The following TENM2 variants were observed in gnomAD, a reference collection of about 807,000 sequenced individuals.
TENM2 encodes the protein teneurin transmembrane protein 2, also known as teneurin-2.
A neutral mutation model predicts 245.2 loss-of-function variants in TENM2; 52 were observed. The ratio of observed to expected loss-of-function variants is 0.21; its 90% CI spans 0.17 to 0.27. The LOEUF (loss-of-function observed/expected upper bound fraction) is 0.27. TENM2 is among the 10% of genes least tolerant of loss of function. The probability of loss-of-function intolerance (pLI) is 1.00; values close to 1 mark genes in which losing one functional copy is unlikely to be tolerated. For missense variants in TENM2, 3,046 were observed against 3,666.8 expected, an observed-to-expected ratio of 0.83 and a Z score of 4.37; for synonymous variants, 1,363 against 1,438.9, an observed-to-expected ratio of 0.95 and a Z score of 1.19.
chr5:166,984,907 A>G, the TENM2 span, among the ~76,000 whole-genome samples: 5 of 152,168 alleles, frequency 3.3e-5, no homozygotes, highest in Admixed American at 3.3e-4. Flanking sequence ...AAGCTACAGG[A>G]AAGTATATTT....
intron 2 of TENM2, among the ~76,000 whole-genome samples, chr5:167,730,208 T>C (rs570638283): frequency 2.6e-5 from 4 of 152,320 alleles, no homozygotes; most frequent in African/African-American, 9.6e-5. Flanking sequence ...TATGAAAATA[T>C]CTTGTGGTTT....
At chr5:167,282,793 G>C (rs1189659105), upstream of TENM2, among the ~76,000 whole-genome samples, 1 of 152,096 alleles carries the variant, frequency 6.6e-6, no homozygotes, top group Non-Finnish European at 1.5e-5. Context: ...AGTTAGGGAA[G>C]GGGATTTGGG....
At chr5:168,070,128 C>T (rs1487639511) in intron 7 of TENM2, among the ~76,000 whole-genome samples, 1 of 152,130 alleles carries the variant, frequency 6.6e-6, no homozygotes, top group Non-Finnish European at 1.5e-5. Flanking sequence ...GCATAAAATG[C>T]TCCTCTTTTG....
At chr5:167,590,769 A>T (rs1775823684) in intron 2 of TENM2, among the ~76,000 whole-genome samples, 1 of 151,818 alleles carries the variant, frequency 6.6e-6, no homozygotes, top group African/African-American at 2.4e-5. Flanking sequence ...CATGTTTTCC[A>T]TTTTGAATAT....
the TENM2 span, among the ~76,000 whole-genome samples, chr5:167,133,649 G>T: frequency 6.6e-6 from 1 of 150,692 alleles, no homozygotes; most frequent in African/African-American, 2.4e-5. Context: ...AAAAGAATGG[G>T]CTGGCTAAAG....
chr5:167,983,858 A>G (rs1243318126), intron 4 of TENM2, among the ~76,000 whole-genome samples: 6 of 152,188 alleles, frequency 3.9e-5, no homozygotes, highest in Non-Finnish European at 8.8e-5. Flanking sequence ...TCACCAGGCT[A>G]ATTAGAACGA....
intron 13 of TENM2, among the ~76,000 whole-genome samples, chr5:168,166,530 T>G (rs1318330687): frequency 6.6e-6 from 1 of 152,164 alleles, no homozygotes; most frequent in Non-Finnish European, 1.5e-5. Context: ...AACTTCAGCA[T>G]GCAGCAAAAC....
the TENM2 span, among the ~76,000 whole-genome samples, chr5:167,265,639 A>G: frequency 6.6e-6 from 1 of 152,112 alleles, no homozygotes; most frequent in Non-Finnish European, 1.5e-5. Flanking sequence ...AGAACTAGGG[A>G]CTGGAAAATT....
intron 4 of TENM2, among the ~76,000 whole-genome samples, chr5:167,967,657 G>T (rs967068452): frequency 1.3e-5 from 2 of 152,206 alleles, no homozygotes; most frequent in African/African-American, 4.8e-5. Context: ...TCCCTCAGCA[G>T]CCTTTACCGT....
intron 1 of TENM2, among the ~76,000 whole-genome samples, chr5:167,313,586 G>A (rs1449878364): frequency 6.6e-6 from 1 of 152,088 alleles, no homozygotes; most frequent in East Asian, 1.9e-4. Flanking sequence ...ATGTCTATAT[G>A]GCCTATAGCA....
intron 2 of TENM2, among the ~76,000 whole-genome samples, chr5:167,758,463 T>C (rs2150691514): frequency 6.6e-6 from 1 of 152,202 alleles, no homozygotes; most frequent in African/African-American, 2.4e-5. Flanking sequence ...CCTACCAGCT[T>C]GGAAGAGAGA....
At chr5:167,475,373 G>C (rs1376987726) in intron 2 of TENM2, among the ~76,000 whole-genome samples, 1 of 151,536 alleles carries the variant, frequency 6.6e-6, no homozygotes, top group Non-Finnish European at 1.5e-5. Context: ...AAATAAAACT[G>C]AGAAATCATG....
intron 13 of TENM2, among the ~76,000 whole-genome samples, chr5:168,181,148 AT>A (rs894980182): frequency 2.0e-5 from 3 of 152,226 alleles, no homozygotes; most frequent in African/African-American, 7.2e-5. Context: ...GAGAATCTAC[AT>A]TTTAACAAGG....
At chr5:167,605,238 C>G (rs1776945917) in intron 2 of TENM2, among the ~76,000 whole-genome samples, 1 of 151,914 alleles carries the variant, frequency 6.6e-6, no homozygotes, top group Non-Finnish European at 1.5e-5. Context: ...TTTTAAGGAC[C>G]ATTTTGATAA....
chr5:167,198,603 G>A, the TENM2 span, among the ~76,000 whole-genome samples: 1 of 152,076 alleles, frequency 6.6e-6, no homozygotes, highest in African/African-American at 2.4e-5. Context: ...GTGAAAGAGT[G>A]CAGCGAGAGA....
chr5:167,824,246 C>A (rs937609437), intron 2 of TENM2, among the ~76,000 whole-genome samples: 1 of 152,112 alleles, frequency 6.6e-6, no homozygotes, highest in Non-Finnish European at 1.5e-5. Flanking sequence ...TGACAGACCC[C>A]GGGAAGGAAA....
At chr5:168,042,561 C>G (rs1031468479) in intron 5 of TENM2, among the ~76,000 whole-genome samples, 2 of 152,048 alleles carry the variant, frequency 1.3e-5, no homozygotes, top group South Asian at 4.2e-4. Context: ...CTTTTCTGGC[C>G]CTATAATCTC....
rs1186772364 is a variant in TENM2 at position 167,609,502 on chromosome 5, AAAAAAAAAAAC to A, written c.502+234034_502+234044del. Among the ~76,000 whole-genome samples the A allele has an allele frequency of 8.2e-4, 119 of 145,100 alleles. 1 individual carries two copies. Among genetic ancestry groups the A allele is most frequent in the South Asian group, 4.1e-3 (18 of 4,410 alleles). ...GCCTGATGATGCAAAAAAAAAAAAA[AAAAAAAAAAAC>A]AAAACCTTACCTAGAAGGTTTTTTA... On this transcript the variant is annotated intron_variant, in intron 2 of 28. Transcript: ENST00000518659.
chr5:167,191,078 G>GA, the TENM2 span, among the ~76,000 whole-genome samples: 1 of 151,688 alleles, frequency 6.6e-6, no homozygotes, highest in Admixed American at 6.6e-5. Context: ...TTATCCTTGG[G>GA]AAAAAAGAAA....
Sources: gnomAD v4.1 joint callset for allele counts (sites outside exome capture counted in the v4.1 genomes callset) on GRCh38, gnomAD v4.1.1 for gene constraint, MANE v1.5 for transcripts, NCBI Gene and HGNC (gene_info 2026-07-23, HGNC 2026-07-21) for gene names.